The following TAPBPL variants were observed in gnomAD, a reference collection of about 807,000 sequenced individuals.
TAPBPL encodes TAP binding protein like, also known as tapasin-related protein.
A neutral mutation model predicts 44.8 loss-of-function variants in TAPBPL; 32 were observed. The ratio of observed to expected loss-of-function variants is 0.71; its 90% confidence interval spans 0.54 to 0.96. TAPBPL has a LOEUF of 0.96. Among genes scored for constraint, TAPBPL ranks in the 40% least tolerant of loss-of-function variants. The pLI is 0.00. For missense variants in TAPBPL, 520 were observed against 586.6 expected (o/e 0.89, Z 1.17); for synonymous variants, 230 against 240.7 (o/e 0.96, Z 0.41).
At chr12:6,470,463 C>G (rs1163416098), downstream of TAPBPL, 2 of 1,609,968 alleles carry the variant, frequency 1.2e-6, no homozygotes, top group African/African-American at 2.7e-5. Flanking sequence ...TTCCGTCCCG[C>G]AGAATCGGGA....
chr12:6,461,144 A>G, intron 6 of TAPBPL: 1 of 1,391,164 alleles, frequency 7.2e-7, no homozygotes, highest in Non-Finnish European at 9.3e-7. Flanking sequence ...AAAGTCTGTC[A>G]CTCTCCTGCC....
At chr12:6,456,814 G>A (rs1442344255) in intron 3 of TAPBPL, among the ~76,000 whole-genome samples, 2 of 151,012 alleles carry the variant, frequency 1.3e-5, no homozygotes, top group East Asian at 2.0e-4. Flanking sequence ...CACCATGCCC[G>A]GCTAATTTTT....
chr12:6,471,762 G>A, the TAPBPL span, among the ~76,000 whole-genome samples: 6 of 152,018 alleles, frequency 3.9e-5, no homozygotes, highest in Non-Finnish European at 8.8e-5. This position sits in a 1 kb window ranked among gnomAD's most constrained non-coding sequence, Gnocchi z 4.0. Flanking sequence ...GGGAGCCGAC[G>A]GTTGCAGTGA....
chr12:6,464,114 C>T (rs567396188), downstream of TAPBPL: 32 of 1,335,244 alleles, frequency 2.4e-5, no homozygotes, highest in Non-Finnish European at 2.8e-5. Context: ...TACTCTTCTC[C>T]TCCCAAGTCT....
downstream of TAPBPL, chr12:6,470,948 C>T (rs1395848637): frequency 4.9e-6 from 1 of 203,204 alleles, no homozygotes; most frequent in Non-Finnish European, 1.0e-5. Flanking sequence ...AGGTCTGTCC[C>T]TTCGGAGGGC....
chr12:6,466,370 A>T, downstream of TAPBPL: 1 of 1,608,122 alleles, frequency 6.2e-7, no homozygotes, highest in Non-Finnish European at 8.5e-7. Flanking sequence ...AGACATGTGC[A>T]GAGTACACAA....
Position 6,453,594 on chromosome 12 carries a change from TCTCTGGAGG to T in TAPBPL, c.444_452del (p.Ser149_Gly151del), listed in dbSNP as rs1174863656. On this transcript the variant is annotated inframe_deletion, in exon 3 of 7. Coordinates refer to ENST00000266556, the MANE Select transcript of TAPBPL (RefSeq NM_018009.5). The surrounding 1 kb of genome is among the most constrained non-coding windows in gnomAD (Gnocchi z 4.8). ...GCTTGGTTCATGGCCAACATGCAGG[TCTCTGGAGG>T]GGGACCTAGCATCTCCTTGGTGATG... 1 of 1,613,960 alleles carries T rather than the reference TCTCTGGAGG, an allele frequency of 6.2e-7. No individual in the cohort carries two copies. Among genetic ancestry groups the T allele is most frequent in the African/African-American group, 1.3e-5 (1 of 74,886 alleles).
downstream of TAPBPL, chr12:6,462,803 G>A (rs1949913948): frequency 6.3e-7 from 1 of 1,595,778 alleles, no homozygotes; most frequent in South Asian, 1.1e-5. Context: ...GGGCCGTTGG[G>A]AGGGTACTGA....
rs758108891 is a variant in TAPBPL, at chr12:6,458,834, TCTC to T, written c.1101_1103del (p.Ser368del). On this transcript the variant is annotated inframe_deletion, in exon 5 of 7. Transcript: ENST00000266556. ...CAAAGCGTGGCAGGCACCTACAGCA[TCTC>T]CTCCTCTCTCACCGCAGAACCTGGC... The T allele has an allele frequency of 1.5e-4, 237 of 1,613,924 alleles. 1 individual carries two copies. The Middle Eastern group carries it at 1.6e-3, about 11-fold the overall frequency.
chr12:6,457,593 G>A lies in TAPBPL; in HGVS notation c.753G>A (p.Lys251=). Residue 251 remains lysine (K), a synonymous_variant, in exon 4 of 7, where the codon AAG becomes AAA. Coordinates refer to ENST00000266556, the MANE Select transcript of TAPBPL (RefSeq NM_018009.5). ...CAGGGCAGGGGCAGGCTGTGCGGAA[G>A]GGCGCTACCCTGGAGCCTGCACAAC... The part of the protein sequence containing the change: ...WTAGQGQAVR[K]GATLEPAQLG... The A allele has an allele frequency of 1.2e-6, 2 of 1,614,216 alleles. No homozygotes were observed. The highest frequency in any genetic ancestry group is 1.6e-4 in the Middle Eastern group (1 of 6,062).
intron 6 of TAPBPL, chr12:6,461,317 G>A: frequency 9.5e-7 from 1 of 1,054,888 alleles, no homozygotes; most frequent in African/African-American, 1.7e-5. Context: ...ATGCACCAAG[G>A]CAGAGAACAG....
intron 5 of TAPBPL, among the ~76,000 whole-genome samples, chr12:6,460,029 C>T (rs1184733619): frequency 6.6e-6 from 1 of 152,010 alleles, no homozygotes; most frequent in South Asian, 2.1e-4. Flanking sequence ...CTCGGCTTCC[C>T]AAAGTGCTGG....
Position 6,460,882 on chromosome 12 carries a change from T to G in TAPBPL, c.1235T>G (p.Phe412Cys). The G allele has an allele frequency of 6.2e-7, 1 of 1,614,156 alleles. No homozygotes were observed. Among genetic ancestry groups the G allele is most frequent in the Non-Finnish European group, 8.5e-7 (1 of 1,179,984 alleles). The change falls in exon 6 of 7, where the codon TTT (phenylalanine) becomes TGT (cysteine). Residue 412 changes from phenylalanine (F) to cysteine (C), a missense_variant. Transcript: ENST00000266556. ...PERRTALGVI[F>C]ASSLFLLALM... The stretch of plus-strand genomic sequence containing the variant: ...CGGAGAACAGCCTTGGGAGTCATCT[T>G]TGCCAGCAGTCTCTTCCTTCTTGCA...
At chr12:6,471,908 G>C in the TAPBPL span, among the ~76,000 whole-genome samples, 1 of 152,058 alleles carries the variant, frequency 6.6e-6, no homozygotes. This position sits in a 1 kb window ranked among gnomAD's most constrained non-coding sequence, Gnocchi z 4.0. Flanking sequence ...TACATGTATT[G>C]AAAATATGGG....
Position 6,457,515 on chromosome 12 carries a change from GGAGTGGC to G in TAPBPL, c.678_684del (p.Glu226AspfsTer81). 6.2e-7 allele frequency: 1 copy of G among 1,614,242 alleles called. No individual in the cohort carries two copies. Among genetic ancestry groups the G allele is most frequent in the Non-Finnish European group, 8.5e-7 (1 of 1,180,048 alleles). On this transcript the variant is annotated frameshift_variant, in exon 4 of 7. Coordinates refer to ENST00000266556, the MANE Select transcript of TAPBPL (RefSeq NM_018009.5). LOFTEE classifies it high-confidence loss of function. ...CACCGGGCTTGGACCTCATCAGTGT[GGAGTGGC>G]GACTGCAGCACAAGGGCAGGGGTCA...
chr12:6,453,502 G>C lies in TAPBPL; in HGVS notation c.351G>C (p.Gly117=). The C allele has an allele frequency of 6.2e-7, 1 of 1,614,198 alleles. No individual in the cohort carries two copies. Among genetic ancestry groups the C allele is most frequent in the Non-Finnish European group, 8.5e-7 (1 of 1,180,042 alleles). ...CCTTGCTCCATGCTGACTGCAGTGGGAAGGAGGTGACCTGTGAGATCTCCC... is the reference window on the plus strand; with the variant it reads ...CCTTGCTCCATGCTGACTGCAGTGGCAAGGAGGTGACCTGTGAGATCTCCC... The part of the protein sequence containing the change: ...AEALLHADCS[G]KEVTCEISRY... Residue 117 remains glycine (G), a synonymous_variant, in exon 3 of 7, where the codon GGG becomes GGC. Coordinates refer to ENST00000266556, the MANE Select transcript of TAPBPL (RefSeq NM_018009.5). The surrounding 1 kb of genome is among the most constrained non-coding windows in gnomAD (Gnocchi z 4.8).
Position 6,453,011 on chromosome 12 carries a change from C to A in TAPBPL, c.65-56C>A. 6.6e-7 allele frequency: 1 copy of A among 1,505,580 alleles called. No individual in the cohort carries two copies. Among genetic ancestry groups the A allele is most frequent in the Non-Finnish European group, 9.0e-7 (1 of 1,114,970 alleles). The allele number at this position is 1,505,580 out of a possible 1,614,324, so 93.3% of individuals were successfully genotyped here. A position where few individuals can be genotyped will look rare whatever the true frequency, so the allele number is the denominator to read the frequency against. ...ACAGCTTGAGGGCGGGGGCAGGAAG[C>A]AAGTGTGGAGTAGCTTTCTGGGGAA... On this transcript the variant is annotated intron_variant, in intron 1 of 6. Coordinates refer to ENST00000266556, the MANE Select transcript of TAPBPL (RefSeq NM_018009.5). The surrounding 1 kb of genome is among the most constrained non-coding windows in gnomAD (Gnocchi z 4.8).
At chr12:6,452,457 T>G in intron 1 of TAPBPL, 145 bp downstream of exon 1, 1 of 1,444,222 alleles carries the variant, frequency 6.9e-7, no homozygotes, top group Admixed American at 2.8e-5. Context: ...GCTCAGCGGC[T>G]GGCAAAGGAA....
In TAPBPL at chr12:6,453,363, G is replaced by A. The variant is rs189877599; in HGVS notation, c.295+66G>A. On this transcript the variant is annotated intron_variant, in intron 2 of 6. Coordinates refer to ENST00000266556, the MANE Select transcript of TAPBPL (RefSeq NM_018009.5). This position sits in a 1 kb window ranked among gnomAD's most constrained non-coding sequence, Gnocchi z 4.8. ...CCTCCACCAGGACAGCCCAGGTCCC[G>A]ATTACAGCCACACATACTGCCTCCC... The A allele has an allele frequency of 2.3e-4, 371 of 1,608,806 alleles. 1 individual carries two copies. Among genetic ancestry groups the A allele is most frequent in the Middle Eastern group, 2.0e-3 (12 of 6,040 alleles).
Sources: allele counts gnomAD v4.1 joint callset (sites outside exome capture counted in the v4.1 genomes callset), GRCh38; gene constraint gnomAD v4.1.1; non-coding constraint Gnocchi (gnomAD v3.1); transcripts MANE v1.5; gene names NCBI Gene and HGNC (gene_info 2026-07-23, HGNC 2026-07-21).